Variants in GOLGA4 observed in about 807,000 individuals in gnomAD.
GOLGA4 encodes the protein golgin subfamily A member 4.
A neutral mutation model predicts 265.9 loss-of-function variants in GOLGA4; 169 were observed. That is an observed-to-expected ratio of 0.64 (90% CI 0.56 to 0.72). The LOEUF (loss-of-function observed/expected upper bound fraction) is 0.72. GOLGA4 is among the 30% of genes least tolerant of loss of function. The pLI is 0.00. For synonymous variants in GOLGA4, 923 were observed against 855.8 expected (o/e 1.08, Z -1.37); for missense variants, 2,482 against 2,483.4 (o/e 1.00, Z 0.01).
chr3:37,286,134 C>CTTTTTT lies in GOLGA4; in HGVS notation c.525+76_525+77insTTTTTT, dbSNP rs1559383108. Reference sequence around the variant, plus strand: ...AAAGATCTTATATAGTAAGATATTTCTTTCTTTTTTTTTTTTTTTTTTTTT... The same window carrying CTTTTTT: ...AAAGATCTTATATAGTAAGATATTTCTTTTTTTTTCTTTTTTTTTTTTTTTTTTTTT... On this transcript the variant is annotated intron_variant, in intron 4 of 23. Transcript: ENST00000361924. 74 of 149,176 alleles carry CTTTTTT rather than the reference C, an allele frequency of 5.0e-4. 9 individuals are homozygous for CTTTTTT. Among genetic ancestry groups the CTTTTTT allele is most frequent in the African/African-American group, 2.2e-3 (53 of 24,318 alleles). 9.2% of individuals were successfully genotyped at this position (149,176 alleles called of 1,614,324 possible). A position where few individuals can be genotyped will look rare whatever the true frequency, so the allele number is the denominator to read the frequency against.
chr3:37,258,135 G>GTA lies in GOLGA4; in HGVS notation c.162+6661_162+6662dup, dbSNP rs370441570. On this transcript the variant is annotated intron_variant, in intron 2 of 23. Transcript: ENST00000361924. ...ATATGTGTGTATATATATATGCTCT[G>GTA]TATATATATATGTTCTGTATATGTA... is the stretch of plus-strand genomic sequence containing the variant. Among the ~76,000 whole-genome samples, 293 of 133,984 alleles carry GTA rather than the reference G, an allele frequency of 2.2e-3. 3 individuals carry two copies. Among genetic ancestry groups the GTA allele is most frequent in the African/African-American group, 8.3e-3 (280 of 33,844 alleles). The allele number at this position is 133,984 out of a possible 152,430, so 87.9% of individuals were successfully genotyped here. A position where few individuals can be genotyped will look rare whatever the true frequency, so the allele number is the denominator to read the frequency against.
Position 37,366,219 on chromosome 3 carries a change from C to A in GOLGA4, c.*173C>A. 1.4e-6 allele frequency: 1 copy of A among 720,674 alleles called. No individual in the cohort carries two copies. The highest frequency in any genetic ancestry group is 2.5e-5 in the South Asian group (1 of 39,944). 44.6% of individuals were successfully genotyped at this position (720,674 alleles called of 1,614,324 possible). ...AGCCAAAAGACCAAGAAAAATCTGG[C>A]CCACAGATAAGTTGCAGACTGCCTT... On this transcript the variant is annotated 3_prime_UTR_variant, in exon 24 of 24. Transcript: ENST00000361924.
intron 16 of GOLGA4, among the ~76,000 whole-genome samples, chr3:37,332,464 G>C (rs1367645048): frequency 2.0e-5 from 3 of 152,076 alleles, no homozygotes; most frequent in African/African-American, 7.3e-5. Flanking sequence ...CTATGAACGT[G>C]CCTCTGCATT....
At chr3:37,250,866 G>C (rs955724053) in intron 1 of GOLGA4, among the ~76,000 whole-genome samples, 1 of 152,130 alleles carries the variant, frequency 6.6e-6, no homozygotes, top group Non-Finnish European at 1.5e-5. Context: ...TGGTATTCAA[G>C]GTAGGCTCAA....
intron 22 of GOLGA4, among the ~76,000 whole-genome samples, 178 bp from the exon 23 acceptor site, chr3:37,361,065 A>G (rs1169019905): frequency 6.6e-6 from 1 of 152,178 alleles, no homozygotes; most frequent in African/African-American, 2.4e-5. Context: ...TACCTAGGAT[A>G]TGGGGGGAGG....
chr3:37,322,986 GTTTA>G (rs1481793581), intron 13 of GOLGA4, among the ~76,000 whole-genome samples: 6 of 151,942 alleles, frequency 3.9e-5, no homozygotes, highest in Admixed American at 3.9e-4. Flanking sequence ...GAATTTTATG[GTTTA>G]TTTCTTTTTA....
At chr3:37,299,941 C>G (rs1412554868) in intron 9 of GOLGA4, among the ~76,000 whole-genome samples, 2 of 151,200 alleles carry the variant, frequency 1.3e-5, no homozygotes, top group Non-Finnish European at 2.9e-5. Context: ...GTCCCAGCTA[C>G]TCGGGAGGCT....
At chr3:37,363,739 A>G (rs1157980966) in intron 23 of GOLGA4, among the ~76,000 whole-genome samples, 1 of 152,174 alleles carries the variant, frequency 6.6e-6, no homozygotes, top group Non-Finnish European at 1.5e-5. Flanking sequence ...ATAGTACATA[A>G]TACTCAGTTT....
intron 21 of GOLGA4, among the ~76,000 whole-genome samples, chr3:37,347,769 T>C (rs900155333): frequency 2.3e-4 from 35 of 152,186 alleles, no homozygotes; most frequent in African/African-American, 7.5e-4. Context: ...CATTTAAAAA[T>C]TACCCCATGT....
rs2096708141 is a variant in GOLGA4, at chr3:37,243,438, CG to C, written c.-111del. 1 of 886,988 alleles carries C rather than the reference CG, an allele frequency of 1.1e-6. No individual in the cohort carries two copies. The highest frequency in any genetic ancestry group is 1.7e-5 in the African/African-American group (1 of 59,840). 54.9% of individuals were successfully genotyped at this position (886,988 alleles called of 1,614,324 possible). A position where few individuals can be genotyped will look rare whatever the true frequency, so the allele number is the denominator to read the frequency against. ...GCCTCAAGGAGGAGACGGCGAGGCC[CG>C]GCCCCCGCTGTCCCTGGTGTAAAGA... On this transcript the variant is annotated 5_prime_UTR_variant, in exon 1 of 24. An upstream open reading frame in the 5' UTR loses its in-frame stop. Coordinates refer to ENST00000361924, the MANE Select transcript of GOLGA4 (RefSeq NM_002078.5).
At chr3:37,246,456 T>C (rs2096719860) in intron 1 of GOLGA4, among the ~76,000 whole-genome samples, 1 of 152,228 alleles carries the variant, frequency 6.6e-6, no homozygotes, top group Non-Finnish European at 1.5e-5. Flanking sequence ...TACAAATATT[T>C]TAAAACATTT....
intron 16 of GOLGA4, among the ~76,000 whole-genome samples, chr3:37,330,293 T>A (rs1490547330): frequency 6.6e-6 from 1 of 152,176 alleles, no homozygotes; most frequent in African/African-American, 2.4e-5. Context: ...CAGTGATTCT[T>A]CATTAGCTTT....
intron 10 of GOLGA4, among the ~76,000 whole-genome samples, chr3:37,308,167 A>C (rs2096912453): frequency 6.6e-6 from 1 of 151,754 alleles, no homozygotes; most frequent in South Asian, 2.1e-4. Context: ...TGGGAGGCAG[A>C]GGTTGCAGTG....
Position 37,327,500 on chromosome 3 carries a change from G to A in GOLGA4, c.5614G>A (p.Val1872Ile), listed in dbSNP as rs2096975664. Residue 1872 changes from valine to isoleucine, a missense_variant, in exon 14 of 24, where the codon GTT becomes ATT. By Grantham distance (29) the Val-to-Ile change is conservative (BLOSUM62 3). Transcript: ENST00000361924. ...AGTAAGACAGAAAGAAGTACATAGA[G>A]TTGAAATGGAAGAGTTGACCTCAAA... ...CLVRQKEVHR[V>I]EMEELTSKYE... is the part of the protein sequence containing the mutation. The A allele has an allele frequency of 1.2e-6, 2 of 1,613,248 alleles. No individual in the cohort carries two copies. Among genetic ancestry groups the A allele is most frequent in the African/African-American group, 1.3e-5 (1 of 74,880 alleles).
intron 2 of GOLGA4, among the ~76,000 whole-genome samples, chr3:37,260,070 CT>C (rs1175354609): frequency 6.7e-6 from 1 of 149,898 alleles, no homozygotes; most frequent in African/African-American, 2.5e-5. Flanking sequence ...GGTGTCTAAT[CT>C]TTTGGCTTCC....
rs926480614 is a variant in GOLGA4 at position 37,302,101 on chromosome 3, C to T, written c.1087-84C>T. ...ACCATGCACCATGCCCGGCCTTTTT[C>T]TGCCTTTTAAATTAAGTTTTATCTG... On this transcript the variant is annotated intron_variant, in intron 9 of 23. Coordinates refer to ENST00000361924, the MANE Select transcript of GOLGA4 (RefSeq NM_002078.5). 15 of 1,242,342 alleles carry T rather than the reference C, an allele frequency of 1.2e-5. No homozygotes were observed. The African/African-American group carries it at 2.3e-4, about 19-fold the overall frequency. The allele number at this position is 1,242,342 out of a possible 1,614,324, so 77.0% of individuals were successfully genotyped here.
At chr3:37,256,178 TTGAG>T (rs1316625783) in intron 2 of GOLGA4, among the ~76,000 whole-genome samples, 6 of 152,214 alleles carry the variant, frequency 3.9e-5, no homozygotes, top group East Asian at 3.9e-4. Context: ...ATGTCCATAT[TTGAG>T]TGGCTGAGTT....
At chr3:37,363,715 G>A (rs1227949552) in intron 23 of GOLGA4, among the ~76,000 whole-genome samples, 1 of 152,110 alleles carries the variant, frequency 6.6e-6, no homozygotes, top group Non-Finnish European at 1.5e-5. Flanking sequence ...TTTAATATTA[G>A]CTAATACTAA....
In GOLGA4 at chr3:37,327,458, G is replaced by T; in HGVS notation, c.5572G>T (p.Glu1858Ter). ...TCAGATTTTGGAGCAAAAGATAAAA[G>T]AGCTGGATTCCTGCTTAGTAAGACA... The part of the protein sequence containing the change: ...TCQILEQKIK[E>*]LDSCLVRQKE... Residue 1858 changes from glutamate (E) to a stop codon, truncating the protein, a stop_gained, in exon 14 of 24, where the codon GAG becomes TAG. Transcript: ENST00000361924. LOFTEE classifies it high-confidence loss of function. The T allele has an allele frequency of 6.2e-7, 1 of 1,613,090 alleles. No homozygotes were observed. Among genetic ancestry groups the T allele is most frequent in the Non-Finnish European group, 8.5e-7 (1 of 1,179,710 alleles).
Sources: gnomAD v4.1 joint callset for allele counts (sites outside exome capture counted in the v4.1 genomes callset) on GRCh38, gnomAD v4.1.1 for gene constraint, MANE v1.5 for transcripts, NCBI Gene and HGNC (gene_info 2026-07-23, HGNC 2026-07-21) for gene names.